NECAB1: variants seen among roughly 807,000 people sequenced by gnomAD.
NECAB1 encodes the protein N-terminal EF-hand calcium binding protein 1.
NECAB1 carries 29 observed loss-of-function variants against 57.5 expected under a neutral mutation model. The observed-to-expected ratio is 0.50, with a 90% CI of 0.38 to 0.69. NECAB1 has a LOEUF of 0.69. Among genes scored for constraint, NECAB1 ranks in the 30% least tolerant of loss-of-function variants. NECAB1 has a pLI of 0.00. For missense variants in NECAB1, 372 were observed against 413.8 expected, an observed-to-expected ratio of 0.90 and a Z score of 0.88; for synonymous variants, 142 against 147.7, an observed-to-expected ratio of 0.96 and a Z score of 0.28.
chr8:90,909,511 G>A (rs180963655), intron 5 of NECAB1, among the ~76,000 whole-genome samples: 140 of 152,166 alleles, frequency 9.2e-4, no homozygotes, highest in Non-Finnish European at 1.7e-3. Flanking sequence ...TATTACCTGA[G>A]TTTTAGCATG....
rs1480028026 is a variant in NECAB1 at position 90,791,779 on chromosome 8, C to A, written c.-108C>A. ...GCGCGCGCGGGAGCGAACACCCTCC[C>A]GGATCCAGAGCCCGGCGGCGGCGAA... On this transcript the variant is annotated 5_prime_UTR_variant, in exon 1 of 13. Transcript: ENST00000417640. The A allele has an allele frequency of 9.5e-6, 8 of 842,788 alleles. No individual in the cohort carries two copies. In the African/African-American group the frequency reaches 1.0e-4, roughly 11 times the overall value. 52.2% of individuals were successfully genotyped at this position (842,788 alleles called of 1,614,324 possible). A position where few individuals can be genotyped will look rare whatever the true frequency, so the allele number is the denominator to read the frequency against.
In NECAB1 at chr8:90,862,837, C is replaced by G. The variant is rs192361981; in HGVS notation, c.234-9291C>G. Reference sequence around the variant, plus strand: ...TATTTTCCCATCTCCAACTCACATACAAAGTTCAGAATACCAGAAAACTCG... The same window carrying G: ...TATTTTCCCATCTCCAACTCACATAGAAAGTTCAGAATACCAGAAAACTCG... On this transcript the variant is annotated intron_variant, in intron 3 of 12. Transcript: ENST00000417640. Among the ~76,000 whole-genome samples the G allele has an allele frequency of 7.6e-3, 525 of 69,352 alleles. 2 individuals are homozygous for G. The highest frequency in any genetic ancestry group is 0.011 in the Non-Finnish European group (435 of 39,624). 45.5% of individuals were successfully genotyped at this position (69,352 alleles called of 152,430 possible).
chr8:90,863,999 T>C (rs1168393776), intron 3 of NECAB1, among the ~76,000 whole-genome samples: 1 of 152,152 alleles, frequency 6.6e-6, no homozygotes, highest in East Asian at 1.9e-4. Context: ...AGACTGATGC[T>C]GGTCCTCAAA....
At chr8:90,831,157 T>C (rs533120892) in intron 3 of NECAB1, among the ~76,000 whole-genome samples, 1 of 152,230 alleles carries the variant, frequency 6.6e-6, no homozygotes, top group South Asian at 2.1e-4. Flanking sequence ...AGCTCAAGGT[T>C]CATATTGCCA....
intron 5 of NECAB1, among the ~76,000 whole-genome samples, chr8:90,883,206 A>G (rs1808885136): frequency 6.6e-6 from 1 of 152,164 alleles, no homozygotes; most frequent in African/African-American, 2.4e-5. Flanking sequence ...GATTCATATT[A>G]TACTGTTTAA....
intron 2 of NECAB1, among the ~76,000 whole-genome samples, chr8:90,804,137 A>C (rs1811810833): frequency 6.6e-6 from 1 of 152,236 alleles, no homozygotes; most frequent in South Asian, 2.1e-4. Flanking sequence ...GATGCTCAAT[A>C]GACATTTGTT....
chr8:90,817,252 G>T (rs77154746), intron 2 of NECAB1, among the ~76,000 whole-genome samples: 2,504 of 151,626 alleles, frequency 0.017, 75 homozygotes, highest in African/African-American at 0.058. Context: ...TTATGTCATC[G>T]TGAAGAAATA....
chr8:90,931,056 C>CT (rs1027821035), intron 8 of NECAB1, among the ~76,000 whole-genome samples: 8 of 151,894 alleles, frequency 5.3e-5, no homozygotes, highest in African/African-American at 1.9e-4. Flanking sequence ...TGTGACATTT[C>CT]TTTTTTTTCT....
chr8:90,864,930 G>A (rs1178266985), intron 3 of NECAB1, among the ~76,000 whole-genome samples: 3 of 152,088 alleles, frequency 2.0e-5, no homozygotes, highest in South Asian at 2.1e-4. Context: ...TCACAGCCAA[G>A]GAGAGAGGAG....
intron 5 of NECAB1, among the ~76,000 whole-genome samples, chr8:90,887,158 T>C (rs1021380850): frequency 3.9e-5 from 6 of 152,174 alleles, no homozygotes; most frequent in Admixed American, 6.5e-5. Flanking sequence ...ATCGAGAACC[T>C]CTGCACTGTA....
At chr8:90,904,613 A>G (rs1563527069) in intron 5 of NECAB1, among the ~76,000 whole-genome samples, 1 of 152,088 alleles carries the variant, frequency 6.6e-6, no homozygotes, top group Non-Finnish European at 1.5e-5. Flanking sequence ...AAAGAAGTTA[A>G]GAGACCTAGA....
At position 90,864,181 on chromosome 8, in the gene NECAB1, C is replaced by T. The variant is rs541288385; in HGVS notation, c.234-7947C>T. On this transcript the variant is annotated intron_variant, in intron 3 of 12. Coordinates refer to ENST00000417640, the MANE Select transcript of NECAB1 (RefSeq NM_022351.5). Reference sequence around the variant, plus strand: ...GAAATGTAAAAATCTTATTCTTTACCACAGAGAGTCTGAGAAGCACTGCTC... The same window carrying T: ...GAAATGTAAAAATCTTATTCTTTACTACAGAGAGTCTGAGAAGCACTGCTC... Among the ~76,000 whole-genome samples the T allele has an allele frequency of 9.9e-5, 15 of 151,430 alleles. No individual in the cohort carries two copies. The South Asian group carries it at 2.9e-3, about 29-fold the overall frequency.
chr8:90,919,793 G>A (rs1810059805), intron 6 of NECAB1, among the ~76,000 whole-genome samples: 1 of 152,092 alleles, frequency 6.6e-6, no homozygotes, highest in Admixed American at 6.6e-5. Flanking sequence ...GAAATAAAAT[G>A]GGAACTCCCT....
chr8:90,951,228 C>T, intron 12 of NECAB1, 24 bp downstream of exon 12: 1 of 1,357,378 alleles, frequency 7.4e-7, no homozygotes, highest in Non-Finnish European at 1.0e-6. Context: ...GTTTACAATG[C>T]TTCTGTGTCC....
At chr8:90,816,775 T>C (rs1354992802) in intron 2 of NECAB1, among the ~76,000 whole-genome samples, 3 of 151,774 alleles carry the variant, frequency 2.0e-5, no homozygotes, top group Non-Finnish European at 4.4e-5. Flanking sequence ...TCCTCAAACT[T>C]TATTCTTCCT....
chr8:90,925,430 T>A, intron 6 of NECAB1, 105 bp from the exon 7 acceptor site: 1 of 1,304,810 alleles, frequency 7.7e-7, no homozygotes, highest in Non-Finnish European at 1.1e-6. Flanking sequence ...AGTTTTCATT[T>A]TGCTGCACTA....
intron 3 of NECAB1, among the ~76,000 whole-genome samples, chr8:90,844,557 T>A (rs4735416): frequency 0.32 from 48,127 of 151,988 alleles, 8,777 homozygotes; most frequent in East Asian, 0.73. Flanking sequence ...TGTCAGATCC[T>A]CCCTACTGTC....
At chr8:90,918,512 T>C (rs1810031154) in intron 6 of NECAB1, among the ~76,000 whole-genome samples, 1 of 152,014 alleles carries the variant, frequency 6.6e-6, no homozygotes, top group Non-Finnish European at 1.5e-5. Flanking sequence ...ACATTGCCAA[T>C]TGTTTTCAGA....
chr8:90,850,208 G>A (rs990184162), intron 3 of NECAB1, among the ~76,000 whole-genome samples: 4 of 152,146 alleles, frequency 2.6e-5, no homozygotes, highest in Non-Finnish European at 5.9e-5. Flanking sequence ...GATAGGAAAA[G>A]ACAATTACTT....
Sources: gnomAD v4.1 joint callset for allele counts (sites outside exome capture counted in the v4.1 genomes callset) on GRCh38, gnomAD v4.1.1 for gene constraint, MANE v1.5 for transcripts, NCBI Gene and HGNC (gene_info 2026-07-23, HGNC 2026-07-21) for gene names.